The following ZNF362 variants were observed in gnomAD, a reference collection of about 807,000 sequenced individuals.
The protein encoded by ZNF362 is rotund homolog.
ZNF362 carries 11 observed loss-of-function variants against 42.9 expected under a neutral mutation model. The observed-to-expected ratio is 0.26, with a 90% CI of 0.16 to 0.42. ZNF362 has a LOEUF of 0.42. Among genes scored for constraint, ZNF362 ranks in the 20% least tolerant of loss-of-function variants. The pLI, the probability that ZNF362 is intolerant of heterozygous loss-of-function variation, is 1.00. For synonymous variants in ZNF362, 255 were observed against 257.3 expected (o/e 0.99, Z 0.09); for missense variants, 362 against 576.2 (o/e 0.63, Z 3.81).
chr1:33,169,202 G>T, the ZNF362 span, among the ~76,000 whole-genome samples: 1 of 152,102 alleles, frequency 6.6e-6, no homozygotes, highest in African/African-American at 2.4e-5. Flanking sequence ...GGAATGCTGC[G>T]ATCGTGTTAG....
the ZNF362 span, among the ~76,000 whole-genome samples, chr1:33,229,700 C>T: frequency 3.3e-5 from 5 of 152,174 alleles, no homozygotes; most frequent in East Asian, 3.9e-4. Context: ...CCACCACTCC[C>T]GGCCCTATTC....
the ZNF362 span, among the ~76,000 whole-genome samples, chr1:33,250,894 A>AGAAGAAGAAGAAGAAGAAGAT: frequency 6.6e-6 from 1 of 150,666 alleles, no homozygotes; most frequent in Non-Finnish European, 1.5e-5. Flanking sequence ...AAGAAGAAGA[A>AGAAGAAGAAGAAGAAGAAGAT]GGAGAAGAAG....
intron 4 of ZNF362, among the ~76,000 whole-genome samples, chr1:33,278,662 T>C (rs2148102904): frequency 6.6e-6 from 1 of 152,376 alleles, no homozygotes; most frequent in Admixed American, 6.5e-5. Flanking sequence ...CCTGTGCGTT[T>C]ACATGCACAT....
upstream of ZNF362, among the ~76,000 whole-genome samples, chr1:33,252,119 G>A (rs1250908244): frequency 6.6e-6 from 1 of 152,252 alleles, no homozygotes; most frequent in Non-Finnish European, 1.5e-5. Flanking sequence ...TTGGGAGGCT[G>A]AGGCGGGCAG....
chr1:33,297,917 GTTAT>G (rs1646136991), intron 8 of ZNF362, among the ~76,000 whole-genome samples: 2 of 151,990 alleles, frequency 1.3e-5, no homozygotes, highest in African/African-American at 4.8e-5. Context: ...TTTTTTCTTT[GTTAT>G]TTATTCACTG....
chr1:33,231,813 C>A, the ZNF362 span, among the ~76,000 whole-genome samples: 5 of 152,170 alleles, frequency 3.3e-5, no homozygotes, highest in African/African-American at 1.2e-4. Context: ...GGACACACCC[C>A]AGCTCCCTCA....
Position 33,281,902 on chromosome 1 carries a change from C to T in ZNF362, c.908+91C>T. On this transcript the variant is annotated intron_variant, in intron 6 of 8. Coordinates refer to ENST00000539719, the MANE Select transcript of ZNF362 (RefSeq NM_152493.3). This position sits in a 1 kb window ranked among gnomAD's most constrained non-coding sequence, Gnocchi z 4.8. ...GAGCCAGTGCAAGGAGGGGCAAGGA[C>T]CTTCTCCAGGTGCCCATTGCCCTCG... 7.2e-7 allele frequency: 1 copy of T among 1,389,166 alleles called. No individual in the cohort carries two copies. Among genetic ancestry groups the T allele is most frequent in the South Asian group, 1.2e-5 (1 of 80,154 alleles). The allele number at this position is 1,389,166 out of a possible 1,614,324, so 86.1% of individuals were successfully genotyped here. A position where few individuals can be genotyped will look rare whatever the true frequency, so the allele number is the denominator to read the frequency against.
At chr1:33,154,810 G>A in the ZNF362 span, among the ~76,000 whole-genome samples, 1 of 143,958 alleles carries the variant, frequency 6.9e-6, no homozygotes, top group African/African-American at 2.6e-5. Flanking sequence ...AAAAAAAAAA[G>A]TGGCCAGGCG....
At chr1:33,206,263 TG>T in the ZNF362 span, among the ~76,000 whole-genome samples, 17 of 152,024 alleles carry the variant, frequency 1.1e-4, no homozygotes, top group African/African-American at 3.9e-4. Flanking sequence ...CCTGCTTAAG[TG>T]TACAACATAA....
intron 8 of ZNF362, among the ~76,000 whole-genome samples, chr1:33,295,748 C>G (rs12073145): frequency 1.3e-5 from 2 of 152,194 alleles, no homozygotes; most frequent in Non-Finnish European, 2.9e-5. Context: ...ATTCAGCTCC[C>G]GTCCCTGGGT....
the ZNF362 span, chr1:33,146,739 A>G: frequency 5.2e-6 from 1 of 193,162 alleles, no homozygotes; most frequent in Non-Finnish European, 1.1e-5. Context: ...GCCCATCACT[A>G]GCTTGGTCAG....
At chr1:33,295,416 ATT>A in intron 8 of ZNF362, 111 bp downstream of exon 8, 5 of 1,375,258 alleles carry the variant, frequency 3.6e-6, no homozygotes, top group Non-Finnish European at 4.9e-6. Context: ...TTCCAGACAA[ATT>A]GAGGCCTAGA....
At chr1:33,259,672 G>A (rs1645816820) in intron 1 of ZNF362, among the ~76,000 whole-genome samples, 1 of 152,230 alleles carries the variant, frequency 6.6e-6, no homozygotes, top group Non-Finnish European at 1.5e-5. Flanking sequence ...GGACAGACAT[G>A]TGAGATACAA....
chr1:33,190,698 C>T, the ZNF362 span, among the ~76,000 whole-genome samples: 7 of 152,184 alleles, frequency 4.6e-5, no homozygotes, highest in Non-Finnish European at 5.9e-5. Flanking sequence ...CACCTCTTAG[C>T]GCCACAACCA....
chr1:33,129,519 T>G, the ZNF362 span, among the ~76,000 whole-genome samples: 2 of 152,230 alleles, frequency 1.3e-5, no homozygotes, highest in South Asian at 4.1e-4. This position sits in a 1 kb window ranked among gnomAD's most constrained non-coding sequence, Gnocchi z 4.1. Context: ...GGGATGAGTG[T>G]TACATATATG....
the ZNF362 span, among the ~76,000 whole-genome samples, chr1:33,141,000 C>G: frequency 3.9e-5 from 6 of 152,304 alleles, no homozygotes; most frequent in South Asian, 1.0e-3. This position sits in a 1 kb window ranked among gnomAD's most constrained non-coding sequence, Gnocchi z 4.0. Flanking sequence ...GGATCTGGCC[C>G]TGACTGTGCC....
the ZNF362 span, among the ~76,000 whole-genome samples, chr1:33,197,817 C>T: frequency 6.6e-6 from 1 of 152,048 alleles, no homozygotes; most frequent in Non-Finnish European, 1.5e-5. Flanking sequence ...AGGAAATGAC[C>T]CAAGCCTTGG....
the ZNF362 span, among the ~76,000 whole-genome samples, chr1:33,250,061 C>T: frequency 2.6e-5 from 4 of 152,118 alleles, no homozygotes; most frequent in African/African-American, 7.2e-5. Context: ...CAGTCATGTG[C>T]TCATTCATTC....
chr1:33,201,747 G>A, the ZNF362 span, among the ~76,000 whole-genome samples: 1 of 151,950 alleles, frequency 6.6e-6, no homozygotes, highest in Admixed American at 6.6e-5. Flanking sequence ...GTAAGCAGAA[G>A]AAATAAATGA....
Sources: allele counts gnomAD v4.1 joint callset (sites outside exome capture counted in the v4.1 genomes callset), GRCh38; gene constraint gnomAD v4.1.1; non-coding constraint Gnocchi (gnomAD v3.1); transcripts MANE v1.5; gene names NCBI Gene and HGNC (gene_info 2026-07-23, HGNC 2026-07-21).